ARAP2: variants seen among roughly 807,000 people sequenced by gnomAD.
The protein encoded by ARAP2 is arf-GAP with Rho-GAP domain, ANK repeat and PH domain-containing protein 2.
ARAP2 carries 148 observed loss-of-function variants against 194.5 expected under a neutral mutation model. The ratio of observed to expected loss-of-function variants is 0.76; its 90% CI spans 0.67 to 0.87. ARAP2 has a LOEUF of 0.87. Ranked by LOEUF, ARAP2 falls within the 40% of genes least tolerant of loss-of-function variation. ARAP2 has a pLI of 0.00. For synonymous variants in ARAP2, 695 were observed against 683.5 expected (o/e 1.02, Z -0.26); for missense variants, 2,128 against 1,989.7 (o/e 1.07, Z -1.32).
At chr4:36,113,590 C>G (rs1390843535) in intron 26 of ARAP2, among the ~76,000 whole-genome samples, 1 of 151,822 alleles carries the variant, frequency 6.6e-6, no homozygotes, top group Non-Finnish European at 1.5e-5. Flanking sequence ...CAAAGACATT[C>G]TGTGTATTAT....
intron 32 of ARAP2, among the ~76,000 whole-genome samples, chr4:36,071,849 G>A (rs1426523739): frequency 3.6e-5 from 5 of 140,524 alleles, no homozygotes; most frequent in East Asian, 2.3e-4. Context: ...ATCCCTCCCC[G>A]CTCCCCCCAC....
chr4:36,196,589 G>A (rs918920240), intron 6 of ARAP2, among the ~76,000 whole-genome samples: 2 of 152,072 alleles, frequency 1.3e-5, no homozygotes, highest in African/African-American at 4.8e-5. Context: ...AACATTCTAT[G>A]AAGGGACAGG....
chr4:36,091,053 CAT>C (rs1713490370), intron 28 of ARAP2, among the ~76,000 whole-genome samples: 1 of 151,994 alleles, frequency 6.6e-6, no homozygotes, highest in Non-Finnish European at 1.5e-5. Flanking sequence ...ATATAATACA[CAT>C]ATAAAAAGTA....
chr4:36,005,753 G>A (rs756324583), intron 10 of ARAP2: 2 of 152,074 alleles, frequency 1.3e-5, no homozygotes, highest in Non-Finnish European at 2.9e-5. Flanking sequence ...ACCAAATACA[G>A]TAAAGTGACA....
chr4:36,159,508 G>A lies in ARAP2; in HGVS notation c.2443-3C>T. On this transcript the variant is annotated splice_polypyrimidine_tract_variant and splice_region_variant and intron_variant, in intron 13 of 32. Transcript: ENST00000303965. ...TTCACTACAGCAGCACATAGAGCCT[G>A]GTCATTAAAAGAAAATATACATCTT... 6.7e-7 allele frequency: 1 copy of A among 1,500,686 alleles called. No homozygotes were observed. The highest frequency in any genetic ancestry group is 9.0e-7 in the Non-Finnish European group (1 of 1,117,314). The allele number at this position is 1,500,686 out of a possible 1,614,324, so 93.0% of individuals were successfully genotyped here. A position where few individuals can be genotyped will look rare whatever the true frequency, so the allele number is the denominator to read the frequency against.
rs145333056 is a variant in ARAP2 at position 36,132,604 on chromosome 4, C to A, written c.3427+622G>T. On this transcript the variant is annotated intron_variant, in intron 20 of 32. Coordinates refer to ENST00000303965, the MANE Select transcript of ARAP2 (RefSeq NM_015230.4). ...AATAAACATGAAGAACAGAGGATAT[C>A]TTTCAGGCATATCTAAAATACTAAC... Among the ~76,000 whole-genome samples, 534 of 151,836 alleles carry A rather than the reference C, an allele frequency of 3.5e-3. 2 individuals are homozygous for A. Among genetic ancestry groups the A allele is most frequent in the Non-Finnish European group, 6.0e-3 (407 of 67,806 alleles).
chr4:36,156,470 G>C (rs1286143068), intron 15 of ARAP2, among the ~76,000 whole-genome samples: 2 of 128,438 alleles, frequency 1.6e-5, no homozygotes, highest in Non-Finnish European at 3.3e-5. Flanking sequence ...AGAAAGAAAT[G>C]AAAGAGAAGA....
At position 36,066,779 on chromosome 4, in the gene ARAP2, A is replaced by C. The variant is rs982966345; in HGVS notation, c.*1128T>G. ...TATTCATAAGTACAGGGAAGAGACC[A>C]CACCTTTACTTAAAAAAAGAAAAAA... On this transcript the variant is annotated 3_prime_UTR_variant, in exon 33 of 33. Coordinates refer to ENST00000303965, the MANE Select transcript of ARAP2 (RefSeq NM_015230.4). 2.0e-5 allele frequency: 3 copies of C among 152,028 alleles called. No individual in the cohort carries two copies. The highest frequency in any genetic ancestry group is 7.3e-5 in the African/African-American group (3 of 41,372). 9.4% of individuals were successfully genotyped at this position (152,028 alleles called of 1,614,324 possible).
At chr4:36,012,086 C>T (rs1038205264) in intron 9 of ARAP2, among the ~76,000 whole-genome samples, 3 of 152,088 alleles carry the variant, frequency 2.0e-5, no homozygotes, top group Non-Finnish European at 4.4e-5. Flanking sequence ...TTCCAATGAA[C>T]TATTAATTTG....
At chr4:36,152,704 T>C (rs1731290393) in intron 15 of ARAP2, among the ~76,000 whole-genome samples, 1 of 151,512 alleles carries the variant, frequency 6.6e-6, no homozygotes, top group African/African-American at 2.4e-5. Context: ...AAAATGTCTA[T>C]AAAATAATCC....
In ARAP2 at chr4:36,052,694, G is replaced by C. The variant is rs574453075; in HGVS notation, n.322-641C>G. ...TATTAAAATTTTACGGCTGGGCTCG[G>C]AGGCTCACGCCTGTAATCCCAGCAC... On this transcript the variant is annotated intron_variant and non_coding_transcript_variant, in intron 2 of 12. Transcript: ENST00000503225. Among the ~76,000 whole-genome samples the C allele has an allele frequency of 1.4e-4, 22 of 152,324 alleles. No individual in the cohort carries two copies. In the South Asian group the frequency reaches 3.5e-3, roughly 24 times the overall value.
chr4:36,119,862 C>A (rs1340646414), intron 23 of ARAP2, 144 bp from the exon 24 acceptor site: 2 of 520,442 alleles, frequency 3.8e-6, no homozygotes, highest in Non-Finnish European at 6.7e-6. Flanking sequence ...TGAGCCCACA[C>A]AGCTAGGGTG....
At chr4:36,198,525 T>C (rs1490565213) in intron 6 of ARAP2, among the ~76,000 whole-genome samples, 3 of 152,190 alleles carry the variant, frequency 2.0e-5, no homozygotes, top group Non-Finnish European at 2.9e-5. Context: ...TCAAGAGGTG[T>C]CTGCAGGCCA....
At chr4:36,102,767 A>G (rs1214968500) in intron 27 of ARAP2, among the ~76,000 whole-genome samples, 1 of 151,932 alleles carries the variant, frequency 6.6e-6, no homozygotes, top group Non-Finnish European at 1.5e-5. Context: ...ATGTTTAACA[A>G]AACTCTTACA....
chr4:36,161,210 A>AAAAAAC (rs1216009427), intron 12 of ARAP2, among the ~76,000 whole-genome samples: 1 of 152,034 alleles, frequency 6.6e-6, no homozygotes, highest in African/African-American at 2.4e-5. Context: ...TAGCATTAAA[A>AAAAAAC]AAAAACAAGC....
intron 26 of ARAP2, among the ~76,000 whole-genome samples, chr4:36,109,436 T>A (rs1428734917): frequency 1.3e-5 from 2 of 151,926 alleles, no homozygotes; most frequent in Non-Finnish European, 2.9e-5. Context: ...ATTATTTTCT[T>A]TGATGGCCCA....
intron 23 of ARAP2, 89 bp downstream of exon 23, chr4:36,121,090 C>G (rs578204900): frequency 4.1e-6 from 4 of 968,622 alleles, no homozygotes; most frequent in Admixed American, 3.2e-5. Flanking sequence ...GAATAAAGAT[C>G]TGAATAATAA....
At chr4:36,071,698 TTTTC>T (rs1380101976) in intron 32 of ARAP2, among the ~76,000 whole-genome samples, 2 of 150,792 alleles carry the variant, frequency 1.3e-5, no homozygotes, top group East Asian at 1.9e-4. Context: ...TTTTAATTTT[TTTTC>T]TTTTTTTTTT....
intron 9 of ARAP2, among the ~76,000 whole-genome samples, chr4:36,172,534 A>G (rs1387624925): frequency 1.3e-5 from 2 of 152,220 alleles, no homozygotes; most frequent in African/African-American, 2.4e-5. Context: ...ACATTCGGAT[A>G]AAATTAATGG....
Sources: allele counts gnomAD v4.1 joint callset (sites outside exome capture counted in the v4.1 genomes callset), GRCh38; gene constraint gnomAD v4.1.1; transcripts MANE v1.5; gene names NCBI Gene and HGNC (gene_info 2026-07-23, HGNC 2026-07-21).